ZFHX3: variants seen among roughly 807,000 people sequenced by gnomAD.
ZFHX3 encodes zinc finger homeobox 3.
A neutral mutation model predicts 279.1 loss-of-function variants in ZFHX3; 42 were observed. That is an observed-to-expected ratio of 0.15 (90% CI 0.12 to 0.19). ZFHX3 has a LOEUF of 0.19. Among genes scored for constraint, ZFHX3 ranks in the 10% least tolerant of loss-of-function variants. The pLI is 1.00. For missense variants in ZFHX3, 4,981 were observed against 4,754.0 expected, an observed-to-expected ratio of 1.05 and a Z score of -1.40; for synonymous variants, 2,293 against 1,957.8, an observed-to-expected ratio of 1.17 and a Z score of -4.52.
intron 1 of ZFHX3, among the ~76,000 whole-genome samples, chr16:73,696,880 T>G (rs1432853169): frequency 2.0e-5 from 3 of 152,176 alleles, no homozygotes; most frequent in African/African-American, 7.2e-5. Context: ...AAATAAAGTG[T>G]TGATGAACTC....
chr16:73,533,242 C>T (rs568689901), intron 2 of ZFHX3, among the ~76,000 whole-genome samples: 38 of 151,826 alleles, frequency 2.5e-4, no homozygotes, highest in Non-Finnish European at 4.1e-4. Flanking sequence ...CCTACTTCAC[C>T]AAGAAAAATG....
rs1391792375 is a variant in ZFHX3 at position 72,950,616 on chromosome 16, C to T, written c.3069G>A (p.Lys1023=). The T allele has an allele frequency of 6.8e-6, 11 of 1,614,112 alleles. No homozygotes were observed. Among genetic ancestry groups the T allele is most frequent in the Non-Finnish European group, 9.3e-6 (11 of 1,180,062 alleles). ...CACACTTGAGCCTCCACTCGTTGGC[C>T]TTGCCGCCCTCCTTGATGTGGGCCA... ...QLVAHIKEGG[K]ANEWRLKCVA... The change falls in exon 3 of 10, where the codon AAG becomes AAA. Residue 1023 remains lysine (K), a synonymous_variant. Coordinates refer to ENST00000268489, the MANE Select transcript of ZFHX3 (RefSeq NM_006885.4).
At chr16:73,525,384 T>C (rs1437542997) in intron 2 of ZFHX3, among the ~76,000 whole-genome samples, 2 of 152,182 alleles carry the variant, frequency 1.3e-5, no homozygotes, top group South Asian at 2.1e-4. Flanking sequence ...GTTTAGCTAA[T>C]GAGAAGACCC....
At chr16:73,699,799 A>G (rs2053230279) in intron 1 of ZFHX3, among the ~76,000 whole-genome samples, 1 of 152,222 alleles carries the variant, frequency 6.6e-6, no homozygotes, top group Non-Finnish European at 1.5e-5. Flanking sequence ...CTGTACAACA[A>G]TGTAGGGCCA....
chr16:72,869,872 C>T (rs2038111845), intron 4 of ZFHX3, among the ~76,000 whole-genome samples: 1 of 152,194 alleles, frequency 6.6e-6, no homozygotes, highest in South Asian at 2.1e-4. Context: ...CCATAACTAA[C>T]TGACCAAAGC....
At chr16:72,924,971 G>A (rs775417930) in intron 3 of ZFHX3, among the ~76,000 whole-genome samples, 3 of 152,132 alleles carry the variant, frequency 2.0e-5, no homozygotes, top group Admixed American at 6.5e-5. Context: ...GTCTTACTCC[G>A]GCGCCCCAGC....
chr16:73,685,874 G>C (rs544047725), intron 1 of ZFHX3, among the ~76,000 whole-genome samples: 2 of 152,282 alleles, frequency 1.3e-5, no homozygotes, highest in South Asian at 4.1e-4. Flanking sequence ...TTCTCTAAGA[G>C]TCTGGCTTAA....
chr16:73,010,221 G>A (rs767732609), intron 1 of ZFHX3, among the ~76,000 whole-genome samples: 1 of 152,066 alleles, frequency 6.6e-6, no homozygotes, highest in African/African-American at 2.4e-5. Flanking sequence ...AGCCACCCTA[G>A]GAGCCTGGCA....
chr16:73,023,635 G>A (rs549058409), intron 1 of ZFHX3, among the ~76,000 whole-genome samples: 1 of 152,322 alleles, frequency 6.6e-6, no homozygotes, highest in Non-Finnish European at 1.5e-5. Context: ...CATCCTTCAG[G>A]TAGGACCCTC....
At chr16:73,659,036 G>A (rs920477491) in intron 2 of ZFHX3, among the ~76,000 whole-genome samples, 4 of 152,180 alleles carry the variant, frequency 2.6e-5, no homozygotes, top group African/African-American at 9.7e-5. Flanking sequence ...TAAGGAGAAA[G>A]AGATGGAGAG....
At chr16:73,881,764 A>T (rs1186003111) in intron 1 of ZFHX3, among the ~76,000 whole-genome samples, 2 of 151,996 alleles carry the variant, frequency 1.3e-5, no homozygotes, top group Non-Finnish European at 2.9e-5. Flanking sequence ...ATATAAAGTT[A>T]AAAAAGAAGC....
chr16:73,540,734 G>A (rs1479970432), intron 2 of ZFHX3, among the ~76,000 whole-genome samples: 2 of 152,040 alleles, frequency 1.3e-5, no homozygotes, highest in African/African-American at 2.4e-5. Flanking sequence ...TACTGTGCTC[G>A]GTGAACATAC....
chr16:73,129,206 G>A (rs754631461), intron 7 of ZFHX3, among the ~76,000 whole-genome samples: 24 of 152,026 alleles, frequency 1.6e-4, no homozygotes, highest in Non-Finnish European at 1.2e-4. Flanking sequence ...TGGCCAACAC[G>A]GCGAAATCCC....
At chr16:73,438,603 C>A (rs139950267) in intron 3 of ZFHX3, among the ~76,000 whole-genome samples, 1 of 152,144 alleles carries the variant, frequency 6.6e-6, no homozygotes, top group African/African-American at 2.4e-5. Flanking sequence ...CTATGCATTG[C>A]CTCTGGATTG....
chr16:73,310,765 G>T (rs550533442), intron 4 of ZFHX3, among the ~76,000 whole-genome samples: 61 of 151,966 alleles, frequency 4.0e-4, no homozygotes, highest in African/African-American at 1.4e-3. Flanking sequence ...TAAAAGAATC[G>T]TTAAAAATTA....
Position 72,795,305 on chromosome 16 carries a change from C to G in ZFHX3, c.7377G>C (p.Gln2459His). 1 of 1,613,972 alleles carries G rather than the reference C, an allele frequency of 6.2e-7. No individual in the cohort carries two copies. The highest frequency in any genetic ancestry group is 8.5e-7 in the Non-Finnish European group (1 of 1,179,986). Residue 2459 changes from glutamine to histidine, a missense_variant, in exon 9 of 10, where the codon CAG (glutamine) becomes CAC (histidine). By Grantham distance (24) the Gln-to-His change is conservative. Coordinates refer to ENST00000268489, the MANE Select transcript of ZFHX3 (RefSeq NM_006885.4). ...QPKPELQQQE[Q>H]PEQKTNTPQQ... ...GGGGAGTGTTGGTCTTCTGCTCGGG[C>G]TGCTCTTGCTGCTGCAGCTCTGGCT... is the stretch of plus-strand genomic sequence containing the variant.
chr16:73,509,058 T>G (rs2019377733), intron 2 of ZFHX3, among the ~76,000 whole-genome samples: 1 of 152,186 alleles, frequency 6.6e-6, no homozygotes, highest in Non-Finnish European at 1.5e-5. Context: ...TGCACAAAGT[T>G]GATAGTAATT....
At chr16:72,879,404 T>G (rs1358121010) in intron 4 of ZFHX3, among the ~76,000 whole-genome samples, 7 of 152,060 alleles carry the variant, frequency 4.6e-5, no homozygotes, top group Admixed American at 4.6e-4. Context: ...AAAAGCACAG[T>G]GGGCAGCAAG....
intron 8 of ZFHX3, among the ~76,000 whole-genome samples, chr16:73,076,828 G>A (rs1380790524): frequency 6.6e-6 from 1 of 152,130 alleles, no homozygotes; most frequent in Non-Finnish European, 1.5e-5. Flanking sequence ...GTATGTGAAT[G>A]GCTGTGCGCA....
Sources: allele counts gnomAD v4.1 joint callset (sites outside exome capture counted in the v4.1 genomes callset), GRCh38; gene constraint gnomAD v4.1.1; transcripts MANE v1.5; gene names NCBI Gene and HGNC (gene_info 2026-07-23, HGNC 2026-07-21).